XRCC5: variants seen among roughly 807,000 people sequenced by gnomAD.
XRCC5 encodes DNA repair protein Ku80.
A neutral mutation model predicts 95.7 loss-of-function variants in XRCC5; 12 were observed. The observed-to-expected ratio is 0.13, with a 90% confidence interval of 0.08 to 0.20. XRCC5 has a LOEUF of 0.20. Among genes scored for constraint, XRCC5 ranks in the 10% least tolerant of loss-of-function variants. The pLI is 1.00. For missense variants in XRCC5, 595 were observed against 873.9 expected, an observed-to-expected ratio of 0.68 and a Z score of 4.02; for synonymous variants, 281 against 290.3, an observed-to-expected ratio of 0.97 and a Z score of 0.33.
chr2:216,122,131 C>G lies in XRCC5; in HGVS notation c.561C>G (p.Gly187=), dbSNP rs923199245. The change falls in exon 6 of 21, where the codon GGC becomes GGG. Residue 187 remains glycine, a synonymous_variant. Coordinates refer to ENST00000392132, the MANE Select transcript of XRCC5 (RefSeq NM_021141.4). ...GAGATGGCCCCTTTCGCTTAGGTGGCCATGGGCCTTCCTTTCCACTAAAAG... is the reference window on the plus strand; with the variant it reads ...GAGATGGCCCCTTTCGCTTAGGTGGGCATGGGCCTTCCTTTCCACTAAAAG... ...DRGDGPFRLG[G]HGPSFPLKGI... is the part of the protein sequence containing the mutation. 6.2e-7 allele frequency: 1 copy of G among 1,614,066 alleles called. No homozygotes were observed. The highest frequency in any genetic ancestry group is 8.5e-7 in the Non-Finnish European group (1 of 1,179,986).
intron 10 of XRCC5, among the ~76,000 whole-genome samples, chr2:216,134,417 T>G (rs980732298): frequency 2.0e-5 from 3 of 149,320 alleles, no homozygotes; most frequent in African/African-American, 7.4e-5. Flanking sequence ...TCCTTCCTTC[T>G]TGTTTTTTTT....
intron 14 of XRCC5, among the ~76,000 whole-genome samples, chr2:216,149,114 A>T (rs41296418): frequency 6.6e-6 from 1 of 152,096 alleles, no homozygotes; most frequent in African/African-American, 2.4e-5. Flanking sequence ...TCTCTCCACA[A>T]CTATCTTTAT....
chr2:216,129,327 CTTTTTGT>C (rs1364053705), intron 8 of XRCC5, among the ~76,000 whole-genome samples: 2 of 152,014 alleles, frequency 1.3e-5, no homozygotes, highest in Non-Finnish European at 2.9e-5. Flanking sequence ...GAGGTTTTTG[CTTTTTGT>C]TTTTTGTTTT....
chr2:216,109,592 G>C, intron 1 of XRCC5, 135 bp downstream of exon 1: 2 of 1,341,446 alleles, frequency 1.5e-6, no homozygotes, highest in South Asian at 2.6e-5. Context: ...GGCTCAGTCA[G>C]GAGGGCCGGG....
chr2:216,131,391 A>T (rs558010615), intron 9 of XRCC5, among the ~76,000 whole-genome samples: 1 of 152,354 alleles, frequency 6.6e-6, no homozygotes, highest in South Asian at 2.1e-4. Flanking sequence ...CCAATACAGC[A>T]CATTGCATGT....
chr2:216,192,551 TC>T, intron 17 of XRCC5, 87 bp from the exon 18 acceptor site: 1 of 806,124 alleles, frequency 1.2e-6, no homozygotes, highest in South Asian at 2.4e-5. Context: ...ATAAGGTGAT[TC>T]AGACCAAACT....
At chr2:216,174,939 G>C (rs191273010) in intron 16 of XRCC5, 2 of 332,960 alleles carry the variant, frequency 6.0e-6, no homozygotes, top group Non-Finnish European at 1.2e-5. Context: ...CGCCAGATCC[G>C]TAACCACCAC....
intron 13 of XRCC5, among the ~76,000 whole-genome samples, chr2:216,141,545 T>TC (rs1697170580): frequency 1.6e-5 from 1 of 60,872 alleles, no homozygotes; most frequent in African/African-American, 8.0e-5. Flanking sequence ...CTTTTCTTTT[T>TC]TTTTTTTTTT....
chr2:216,189,587 TTTA>T (rs1477929749), intron 16 of XRCC5, among the ~76,000 whole-genome samples: 12 of 152,232 alleles, frequency 7.9e-5, no homozygotes, highest in African/African-American at 2.9e-4. Context: ...ACAGTTACTG[TTTA>T]TTAAGTATTT....
intron 2 of XRCC5, among the ~76,000 whole-genome samples, chr2:216,114,876 A>C (rs986387151): frequency 1.3e-5 from 2 of 152,186 alleles, no homozygotes; most frequent in Non-Finnish European, 1.5e-5. Context: ...ATGACTAGTA[A>C]CCACACTACG....
intron 15 of XRCC5, among the ~76,000 whole-genome samples, chr2:216,160,424 A>C (rs1345824725): frequency 6.6e-6 from 1 of 152,132 alleles, no homozygotes; most frequent in Non-Finnish European, 1.5e-5. Context: ...CAGTGTTGAG[A>C]TTTTGCTGTT....
chr2:216,112,294 C>T (rs922502797), intron 1 of XRCC5, among the ~76,000 whole-genome samples: 1 of 152,224 alleles, frequency 6.6e-6, no homozygotes, highest in Admixed American at 6.5e-5. Context: ...CATTAAGACT[C>T]ACCCAAGGAA....
chr2:216,142,065 A>G (rs941838196), intron 13 of XRCC5, among the ~76,000 whole-genome samples: 1 of 151,208 alleles, frequency 6.6e-6, no homozygotes, highest in East Asian at 1.9e-4. Flanking sequence ...AAAAAAAAAG[A>G]AAAAAAAAGG....
At chr2:216,146,889 G>T (rs207905) in intron 13 of XRCC5, among the ~76,000 whole-genome samples, 128,484 of 152,204 alleles carry the variant, frequency 0.84, 54,498 homozygotes, top group East Asian at 0.92. Flanking sequence ...AGCTGTTATC[G>T]GCCAGGTGCT....
chr2:216,121,790 T>C (rs1053207138), intron 5 of XRCC5, among the ~76,000 whole-genome samples: 2 of 152,088 alleles, frequency 1.3e-5, no homozygotes, highest in African/African-American at 4.8e-5. Context: ...CTTGCCACAG[T>C]TGAGACCCTG....
At chr2:216,179,032 C>G (rs1009578854) in intron 16 of XRCC5, among the ~76,000 whole-genome samples, 1 of 152,146 alleles carries the variant, frequency 6.6e-6, no homozygotes, top group African/African-American at 2.4e-5. Flanking sequence ...TGTTAGTGTC[C>G]TAGTGCTGCA....
intron 19 of XRCC5, among the ~76,000 whole-genome samples, chr2:216,198,221 G>A (rs1430017833): frequency 6.6e-6 from 1 of 152,200 alleles, no homozygotes; most frequent in Non-Finnish European, 1.5e-5. Flanking sequence ...TTTGTGAATG[G>A]AATCTTGGAC....
At chr2:216,127,723 C>T in intron 8 of XRCC5, 49 bp downstream of exon 8, 3 of 1,532,566 alleles carry the variant, frequency 2.0e-6, no homozygotes, top group South Asian at 2.6e-5. Context: ...TTTTCTTCAA[C>T]ATGATGTGAT....
At chr2:216,120,401 T>C (rs1696782827) in intron 5 of XRCC5, among the ~76,000 whole-genome samples, 1 of 152,206 alleles carries the variant, frequency 6.6e-6, no homozygotes, top group African/African-American at 2.4e-5. Flanking sequence ...ATTTGCTTTT[T>C]ATTTGGTTGT....
Sources: allele counts gnomAD v4.1 joint callset (sites outside exome capture counted in the v4.1 genomes callset), GRCh38; gene constraint gnomAD v4.1.1; transcripts MANE v1.5; gene names NCBI Gene and HGNC (gene_info 2026-07-23, HGNC 2026-07-21).